ASB10: variants seen among roughly 807,000 people sequenced by gnomAD.
The protein encoded by ASB10 is ankyrin repeat and SOCS box protein 10.
In ASB10, 44 loss-of-function variants were observed where a neutral mutation model predicts 35.4. The observed-to-expected ratio is 1.24, with a 90% confidence interval of 0.98 to 1.60. ASB10 has a LOEUF of 1.60. Ranked by LOEUF, ASB10 falls within the 40% of genes most tolerant of loss-of-function variation. The probability of loss-of-function intolerance (pLI) is 0.00; values close to 1 mark genes in which losing one functional copy is unlikely to be tolerated. For synonymous variants in ASB10, 294 were observed against 280.4 expected (o/e 1.05, Z -0.49); for missense variants, 647 against 634.3 (o/e 1.02, Z -0.22).
intron 3 of ASB10, among the ~76,000 whole-genome samples, chr7:151,179,145 C>T (rs1196170934): frequency 6.6e-6 from 1 of 152,246 alleles, no homozygotes; most frequent in Non-Finnish European, 1.5e-5. Flanking sequence ...ACAACACTAG[C>T]TAACAAGTGT....
chr7:151,184,139 C>A (rs112462673), intron 2 of ASB10, among the ~76,000 whole-genome samples: 11,340 of 151,814 alleles, frequency 0.075, 528 homozygotes, highest in African/African-American at 0.13. Context: ...TTCGGCCGGG[C>A]GTGGTGGCTC....
At chr7:151,180,889 T>C in intron 3 of ASB10, 50 bp downstream of exon 3, 2 of 1,437,734 alleles carry the variant, frequency 1.4e-6, no homozygotes, top group Non-Finnish European at 1.8e-6. Context: ...GGCCCAGGTC[T>C]CCCTGTCCCC....
chr7:151,185,509 C>T (rs1801572804), intron 2 of ASB10, among the ~76,000 whole-genome samples: 1 of 152,110 alleles, frequency 6.6e-6, no homozygotes, highest in Non-Finnish European at 1.5e-5. Flanking sequence ...TAGTAAAGAA[C>T]ACATCTTCAA....
At position 151,186,600 on chromosome 7, in the gene ASB10, G is replaced by A. The variant is rs377623437; in HGVS notation, c.376C>T (p.Arg126Cys). Reference sequence around the variant, plus strand: ...AGCCGCAGGACTTCCGTGTGGCCACGGCTGGCTGCCACATGCAGTGGGGTG... The same window carrying A: ...AGCCGCAGGACTTCCGTGTGGCCACAGCTGGCTGCCACATGCAGTGGGGTG... Reference protein sequence around the residue: ...LTTPLHVAASRGHTEVLRLLL... With the variant: ...LTTPLHVAASCGHTEVLRLLL... Residue 126 changes from arginine to cysteine, a missense_variant, in exon 2 of 6, where the codon CGT becomes TGT. Arg to Cys is a radical substitution (Grantham distance 180). Coordinates refer to ENST00000420175, the MANE Select transcript of ASB10 (RefSeq NM_001142459.2). 1.4e-4 allele frequency: 228 copies of A among 1,609,870 alleles called. No homozygotes were observed. Among genetic ancestry groups the A allele is most frequent in the South Asian group, 6.4e-4 (58 of 90,506 alleles).
chr7:151,186,367 G>A (rs759993409), intron 2 of ASB10, 25 bp downstream of exon 2: 2 of 1,562,130 alleles, frequency 1.3e-6, no homozygotes, highest in Admixed American at 1.9e-5. Flanking sequence ...AGTGGAACTG[G>A]GGGTTGGGGT....
Position 151,175,739 on chromosome 7 carries a change from A to T in ASB10, c.*228T>A. The stretch of plus-strand genomic sequence containing the variant: ...TTTAATGCACATACAGGGTTTGCAC[A>T]GGCTAGAAGGGGGCCTCAGGAGAGC... On this transcript the variant is annotated 3_prime_UTR_variant, in exon 6 of 6. Transcript: ENST00000420175. The T allele has an allele frequency of 4.5e-6, 1 of 220,022 alleles. No individual in the cohort carries two copies. The highest frequency in any genetic ancestry group is 9.0e-6 in the Non-Finnish European group (1 of 110,894). The allele number at this position is 220,022 out of a possible 1,614,324, so 13.6% of individuals were successfully genotyped here. A position where few individuals can be genotyped will look rare whatever the true frequency, so the allele number is the denominator to read the frequency against.
At position 151,176,315 on chromosome 7, in the gene ASB10, G is replaced by C. The variant is rs756807337; in HGVS notation, c.1219-18C>G. 5.2e-6 allele frequency: 8 copies of C among 1,529,106 alleles called. No individual in the cohort carries two copies. The South Asian group carries it at 9.1e-5, about 17-fold the overall frequency. 94.7% of individuals were successfully genotyped at this position (1,529,106 alleles called of 1,614,324 possible). On this transcript the variant is annotated intron_variant, in intron 4 of 5. Coordinates refer to ENST00000420175, the MANE Select transcript of ASB10 (RefSeq NM_001142459.2). ...TGATGTTTCTGGGGGCAGAACAAGG[G>C]GCTCAGTGAGAGGCAGCCTCAGACA... is the stretch of plus-strand genomic sequence containing the variant.
intron 3 of ASB10, among the ~76,000 whole-genome samples, chr7:151,177,847 A>G (rs1397071968): frequency 6.6e-6 from 1 of 152,248 alleles, no homozygotes; most frequent in African/African-American, 2.4e-5. Flanking sequence ...AGCACTTCGA[A>G]TCCAGCAGTG....
chr7:151,182,261 G>C (rs1801509841), intron 2 of ASB10, among the ~76,000 whole-genome samples: 1 of 152,156 alleles, frequency 6.6e-6, no homozygotes, highest in Non-Finnish European at 1.5e-5. Context: ...GGCACACATG[G>C]AAATGGGGCA....
Position 151,176,101 on chromosome 7 carries a change from C to T in ASB10, c.*11G>A. 1 of 1,609,954 alleles carries T rather than the reference C, an allele frequency of 6.2e-7. No homozygotes were observed. The highest frequency in any genetic ancestry group is 2.1e-4 in the Middle Eastern group (1 of 4,822). The stretch of plus-strand genomic sequence containing the variant: ...AAGCAGCTGTGACTGCTCACAGATC[C>T]CGGGGCTCACCTAGTAGAGCACGCC... On this transcript the variant is annotated intron_variant, in intron 5 of 5. Transcript: ENST00000420175.
At chr7:151,184,711 C>A (rs557930269) in intron 2 of ASB10, among the ~76,000 whole-genome samples, 4 of 151,950 alleles carry the variant, frequency 2.6e-5, no homozygotes, top group Admixed American at 1.3e-4. Flanking sequence ...TTAATGCCAT[C>A]GAACTGTACG....
Position 151,176,666 on chromosome 7 carries a change from C to T in ASB10, c.1115G>A (p.Arg372His), listed in dbSNP as rs912069244. The T allele has an allele frequency of 3.3e-5, 51 of 1,540,264 alleles. No individual in the cohort carries two copies. Among genetic ancestry groups the T allele is most frequent in the Non-Finnish European group, 4.3e-5 (49 of 1,137,902 alleles). The stretch of plus-strand genomic sequence containing the variant: ...GATGGTCCGAGGGCACGTGCTCCAG[C>T]GCTCCAGCACCTGTGGGAGGCAGAG... ...WPGALPKVLE[R>H]WSTCPRTIEV... The change falls in exon 4 of 6, where the codon CGC (arginine) becomes CAC (histidine). Residue 372 changes from arginine (R) to histidine (H), a missense_variant. Arg to His is a conservative substitution (Grantham distance 29). Coordinates refer to ENST00000420175, the MANE Select transcript of ASB10 (RefSeq NM_001142459.2).
In ASB10 at chr7:151,176,179, G is replaced by A. The variant is rs1317664256; in HGVS notation, c.1337C>T (p.Pro446Leu). ...HLEGSLPQAL[P>L]RLPLPPRLLR... is the part of the protein sequence containing the mutation. ...CAGGCGCGGTGGCAGGGGGAGGCGGGGCAGCGCTTGGGGCAGGCTGCCCTC... is the reference window on the plus strand; with the variant it reads ...CAGGCGCGGTGGCAGGGGGAGGCGGAGCAGCGCTTGGGGCAGGCTGCCCTC... Residue 446 changes from proline (P) to leucine (L), a missense_variant, in exon 5 of 6, where the codon CCC becomes CTC. Physicochemically the swap from Pro to Leu is moderately conservative, Grantham distance 98 (BLOSUM62 -3). Coordinates refer to ENST00000420175, the MANE Select transcript of ASB10 (RefSeq NM_001142459.2). 6.2e-7 allele frequency: 1 copy of A among 1,611,428 alleles called. No homozygotes were observed. The highest frequency in any genetic ancestry group is 2.2e-5 in the East Asian group (1 of 44,852).
At chr7:151,178,911 C>G (rs2435611) in intron 3 of ASB10, among the ~76,000 whole-genome samples, 2 of 152,094 alleles carry the variant, frequency 1.3e-5, no homozygotes, top group African/African-American at 4.8e-5. Context: ...TCCTTCCTGG[C>G]CCATGTTGAT....
In ASB10 at chr7:151,176,267, C is replaced by A; in HGVS notation, c.1249G>T (p.Ala417Ser). 1 of 1,569,642 alleles carries A rather than the reference C, an allele frequency of 6.4e-7. No individual in the cohort carries two copies. The highest frequency in any genetic ancestry group is 1.4e-5 in the African/African-American group (1 of 73,586). ...AGCGACCTGGGCTGCCTCACCAAGG[C>A]GAAGAGGGAGGAGTAGAAACGCTGA... ...KHQRFYSSLFALVRQPRSLQH... is the reference protein window; with the variant it reads ...KHQRFYSSLFSLVRQPRSLQH... Residue 417 changes from alanine to serine, a missense_variant, in exon 5 of 6, where the codon GCC becomes TCC. Ala to Ser is a moderately conservative substitution (Grantham distance 99). Transcript: ENST00000420175.
At chr7:151,185,074 TTTTACCAC>T (rs1563574989) in intron 2 of ASB10, among the ~76,000 whole-genome samples, 1 of 151,748 alleles carries the variant, frequency 6.6e-6, no homozygotes, top group East Asian at 1.9e-4. Context: ...TTCATGTATA[TTTTACCAC>T]CATTTTGAAA....
chr7:151,177,869 G>A (rs549469568), intron 3 of ASB10, among the ~76,000 whole-genome samples: 9 of 152,344 alleles, frequency 5.9e-5, no homozygotes, highest in African/African-American at 2.2e-4. Flanking sequence ...GGAAAATAAA[G>A]TCCTCGTCAT....
rs746024883 is a variant in ASB10, at chr7:151,186,852, C to T, written c.279G>A (p.Glu93=). 8 of 1,611,356 alleles carry T rather than the reference C, an allele frequency of 5.0e-6. No homozygotes were observed. The highest frequency in any genetic ancestry group is 2.2e-5 in the East Asian group (1 of 44,794). ...PDSVFDTSDP[E]RWRDFRFNIR... is the part of the protein sequence containing the mutation. The stretch of plus-strand genomic sequence containing the variant: ...TGTTGAAGCGGAAATCCCTCCATCG[C>T]TCTGGGTCGCTGGTATCAAAGACGG... The change falls in exon 1 of 6, where the codon GAG becomes GAA. Residue 93 remains glutamate (E), a synonymous_variant. Coordinates refer to ENST00000420175, the MANE Select transcript of ASB10 (RefSeq NM_001142459.2).
intron 3 of ASB10, among the ~76,000 whole-genome samples, chr7:151,178,211 G>A (rs112195036): frequency 2.6e-5 from 4 of 152,188 alleles, no homozygotes; most frequent in Non-Finnish European, 4.4e-5. Context: ...ATCGTGCCAC[G>A]GCACGTGTGG....
Sources: gnomAD v4.1 joint callset for allele counts (sites outside exome capture counted in the v4.1 genomes callset) on GRCh38, gnomAD v4.1.1 for gene constraint, MANE v1.5 for transcripts, NCBI Gene and HGNC (gene_info 2026-07-23, HGNC 2026-07-21) for gene names.